The following SIL1 variants were observed in gnomAD, a reference collection of about 807,000 sequenced individuals.
SIL1 encodes nucleotide exchange factor SIL1.
SIL1 carries 40 observed loss-of-function variants against 49.1 expected under a neutral mutation model. The ratio of observed to expected loss-of-function variants is 0.81; its 90% CI spans 0.63 to 1.06. SIL1 has a LOEUF of 1.06. SIL1 is among the 50% of genes least tolerant of loss of function. SIL1 has a pLI of 0.00. For missense variants in SIL1, 500 were observed against 572.6 expected (o/e 0.87, Z 1.29); for synonymous variants, 253 against 250.8 (o/e 1.01, Z -0.08).
chr5:139,018,552 T>C (rs527815425), intron 7 of SIL1, among the ~76,000 whole-genome samples: 57 of 138,548 alleles, frequency 4.1e-4, no homozygotes, highest in Non-Finnish European at 7.1e-4. Context: ...ATCGGGCCAC[T>C]GTACTCCAGC....
intron 7 of SIL1, among the ~76,000 whole-genome samples, chr5:138,960,630 A>G (rs1478881644): frequency 6.6e-6 from 1 of 151,942 alleles, no homozygotes; most frequent in African/African-American, 2.4e-5. Flanking sequence ...TTGTTTTTGT[A>G]TTTTTAGTGG....
intron 5 of SIL1, among the ~76,000 whole-genome samples, chr5:139,029,894 T>C (rs1371034759): frequency 1.3e-5 from 2 of 151,450 alleles, no homozygotes; most frequent in Non-Finnish European, 2.9e-5. Context: ...GGAGGATCAC[T>C]TGAGTCCAGG....
At chr5:139,138,506 A>C (rs950957514) in intron 1 of SIL1, among the ~76,000 whole-genome samples, 7 of 152,286 alleles carry the variant, frequency 4.6e-5, no homozygotes, top group African/African-American at 1.7e-4. Context: ...AGGTTACAAG[A>C]AGCTCCATTC....
intron 3 of SIL1, among the ~76,000 whole-genome samples, chr5:139,079,977 T>C (rs1770037410): frequency 6.6e-6 from 1 of 152,166 alleles, no homozygotes; most frequent in African/African-American, 2.4e-5. Context: ...AGCTATCATC[T>C]CTCAGCAAGT....
At chr5:138,968,570 C>T (rs1767203585) in intron 7 of SIL1, among the ~76,000 whole-genome samples, 1 of 152,180 alleles carries the variant, frequency 6.6e-6, no homozygotes, top group South Asian at 2.1e-4. Flanking sequence ...ACCTCCTGAC[C>T]CTCACAGGGC....
chr5:139,086,265 C>T (rs1445840543), intron 3 of SIL1, among the ~76,000 whole-genome samples: 13 of 131,142 alleles, frequency 9.9e-5, no homozygotes, highest in Non-Finnish European at 1.3e-4. Flanking sequence ...AGAGTGAGAC[C>T]GTCTTAAAAA....
At chr5:138,959,498 T>C (rs912550203) in intron 7 of SIL1, among the ~76,000 whole-genome samples, 7 of 152,210 alleles carry the variant, frequency 4.6e-5, no homozygotes, top group African/African-American at 1.4e-4. Flanking sequence ...TCTGGTCCTA[T>C]ACCCTCTGGT....
intron 3 of SIL1, among the ~76,000 whole-genome samples, chr5:139,067,638 G>A (rs779802807): frequency 8.5e-5 from 13 of 152,230 alleles, no homozygotes; most frequent in Non-Finnish European, 1.8e-4. Context: ...GAGTTTCTTA[G>A]AGAAAACTGT....
At chr5:139,121,474 G>A (rs1411907792) in intron 2 of SIL1, among the ~76,000 whole-genome samples, 1 of 152,104 alleles carries the variant, frequency 6.6e-6, no homozygotes, top group Non-Finnish European at 1.5e-5. Flanking sequence ...TTAGGGACAG[G>A]GGCTGGCAAA....
chr5:139,057,314 T>TTAAAAAA lies in SIL1; in HGVS notation c.245-6269_245-6268insTTTTTTA, dbSNP rs781049621. ...GCGAGAAACACCCAAGAATGATCAA[T>TTAAAAAA]AAAAAAAAAAAAAAGAAAAGAAAAG... On this transcript the variant is annotated intron_variant, in intron 3 of 9. Transcript: ENST00000394817. Among the ~76,000 whole-genome samples, 91 of 73,304 alleles carry TTAAAAAA rather than the reference T, an allele frequency of 1.2e-3. 3 individuals carry two copies. The highest frequency in any genetic ancestry group is 1.9e-3 in the African/African-American group (32 of 16,544). 48.1% of individuals were successfully genotyped at this position (73,304 alleles called of 152,430 possible).
chr5:139,023,241 C>A (rs1768569206), intron 6 of SIL1, among the ~76,000 whole-genome samples: 1 of 152,170 alleles, frequency 6.6e-6, no homozygotes, highest in African/African-American at 2.4e-5. Context: ...CCCCTGGTGA[C>A]ATACAGGAGA....
chr5:139,101,403 T>C (rs1311387674), intron 3 of SIL1, among the ~76,000 whole-genome samples: 1 of 152,228 alleles, frequency 6.6e-6, no homozygotes, highest in African/African-American at 2.4e-5. Flanking sequence ...AATGAGCTTC[T>C]CCACCAAAGC....
chr5:139,129,710 T>C (rs763206311), intron 1 of SIL1, among the ~76,000 whole-genome samples: 1 of 152,182 alleles, frequency 6.6e-6, no homozygotes, highest in Non-Finnish European at 1.5e-5. Context: ...CCTTACCTTA[T>C]ATCATTTATA....
chr5:139,121,616 G>A (rs1277764245), intron 2 of SIL1, among the ~76,000 whole-genome samples: 1 of 152,186 alleles, frequency 6.6e-6, no homozygotes, highest in East Asian at 1.9e-4. Context: ...GAATGGGAGA[G>A]TAAGGCCTCA....
intron 5 of SIL1, among the ~76,000 whole-genome samples, chr5:139,038,021 C>T (rs1467552849): frequency 2.6e-5 from 4 of 152,178 alleles, no homozygotes; most frequent in South Asian, 2.1e-4. Context: ...TGTCTTCACA[C>T]GGTAGAGAGA....
chr5:139,000,467 G>T (rs571988669), intron 7 of SIL1, among the ~76,000 whole-genome samples: 15 of 152,162 alleles, frequency 9.9e-5, no homozygotes, highest in South Asian at 4.1e-4. Context: ...AGAGAATTCA[G>T]TATATAGTAG....
At chr5:139,148,777 A>G (rs1347053516) in intron 1 of SIL1, among the ~76,000 whole-genome samples, 1 of 152,108 alleles carries the variant, frequency 6.6e-6, no homozygotes, top group Non-Finnish European at 1.5e-5. Context: ...AGAACTACCA[A>G]CTCACCTCTC....
intron 3 of SIL1, among the ~76,000 whole-genome samples, chr5:139,091,370 G>A (rs1186320032): frequency 6.6e-6 from 1 of 151,600 alleles, no homozygotes; most frequent in African/African-American, 2.4e-5. Flanking sequence ...AGGAGAAAAA[G>A]ACCAAAAACA....
At chr5:139,110,998 G>A (rs150303706) in intron 3 of SIL1, among the ~76,000 whole-genome samples, 63 of 152,288 alleles carry the variant, frequency 4.1e-4, no homozygotes, top group African/African-American at 1.1e-3. Context: ...ACTGCCCAGG[G>A]CTCAGATTAC....
Sources: allele counts gnomAD v4.1 joint callset (sites outside exome capture counted in the v4.1 genomes callset), GRCh38; gene constraint gnomAD v4.1.1; transcripts MANE v1.5; gene names NCBI Gene and HGNC (gene_info 2026-07-23, HGNC 2026-07-21).